FAM110B: variants seen among roughly 807,000 people sequenced by gnomAD.
FAM110B encodes family with sequence similarity 110 member B, also known as protein FAM110B.
Under a neutral mutation model 20.4 loss-of-function variants are expected in FAM110B, and 6 were observed. That is an observed-to-expected ratio of 0.29 (90% CI 0.16 to 0.58). The LOEUF (loss-of-function observed/expected upper bound fraction) is 0.58, where lower values mean the gene tolerates loss of function less well. Ranked by LOEUF, FAM110B falls within the 20% of genes least tolerant of loss-of-function variation. The probability of loss-of-function intolerance (pLI) is 0.90; values close to 1 mark genes in which losing one functional copy is unlikely to be tolerated. For missense variants in FAM110B, 434 were observed against 498.2 expected (o/e 0.87, Z 1.23); for synonymous variants, 226 against 214.1 (o/e 1.06, Z -0.49).
At chr8:58,126,155 G>A (rs1338133590) in intron 3 of FAM110B, among the ~76,000 whole-genome samples, 1 of 152,166 alleles carries the variant, frequency 6.6e-6, no homozygotes, top group African/African-American at 2.4e-5. Context: ...CATACAGTAT[G>A]TGACTGTGTG....
intron 2 of FAM110B, among the ~76,000 whole-genome samples, chr8:58,066,919 C>T (rs368625346): frequency 1.8e-3 from 271 of 152,314 alleles, no homozygotes; most frequent in South Asian, 0.016. Flanking sequence ...AATAGCCCTA[C>T]GTGCAGCCAA....
intron 2 of FAM110B, among the ~76,000 whole-genome samples, chr8:58,069,940 A>C (rs1805852383): frequency 6.6e-6 from 1 of 152,266 alleles, no homozygotes; most frequent in Non-Finnish European, 1.5e-5. Context: ...TATAGTTTAT[A>C]AGGTGACACA....
chr8:57,999,665 A>G (rs1488880155), intron 1 of FAM110B, among the ~76,000 whole-genome samples: 1 of 152,214 alleles, frequency 6.6e-6, no homozygotes, highest in African/African-American at 2.4e-5. Context: ...GGTACTTTGA[A>G]TAAACATCAG....
At chr8:58,044,451 G>T (rs1473127698) in intron 2 of FAM110B, among the ~76,000 whole-genome samples, 3 of 152,054 alleles carry the variant, frequency 2.0e-5, no homozygotes, top group Non-Finnish European at 4.4e-5. Context: ...ATGTATGAAT[G>T]AAAAAATAAA....
At chr8:58,144,452 A>G (rs749216722) in intron 3 of FAM110B, among the ~76,000 whole-genome samples, 1 of 152,212 alleles carries the variant, frequency 6.6e-6, no homozygotes, top group African/African-American at 2.4e-5. Context: ...CGCACAATTA[A>G]AGGAAATTGT....
At chr8:58,047,290 C>A (rs1805339231) in intron 2 of FAM110B, among the ~76,000 whole-genome samples, 1 of 152,192 alleles carries the variant, frequency 6.6e-6, no homozygotes, top group South Asian at 2.1e-4. Flanking sequence ...GGAGTCTCAG[C>A]CTATCTGCAG....
chr8:58,048,758 C>G (rs143687594), intron 2 of FAM110B, among the ~76,000 whole-genome samples: 197 of 152,320 alleles, frequency 1.3e-3, no homozygotes, highest in African/African-American at 4.1e-3. Context: ...TTTCCAAGCA[C>G]TCTGTTTTGC....
At chr8:58,008,189 G>A (rs148423391) in intron 1 of FAM110B, among the ~76,000 whole-genome samples, 2,834 of 146,686 alleles carry the variant, frequency 0.019, 82 homozygotes, top group African/African-American at 0.064. Context: ...TTGCAATGGC[G>A]TGATCTCAGC....
At chr8:58,014,170 T>A (rs1339254871) in intron 1 of FAM110B, among the ~76,000 whole-genome samples, 2 of 152,142 alleles carry the variant, frequency 1.3e-5, no homozygotes, top group Non-Finnish European at 2.9e-5. Flanking sequence ...ATCCAGACTG[T>A]CTAGTAAGAA....
intron 2 of FAM110B, among the ~76,000 whole-genome samples, chr8:58,042,000 T>C (rs1805229425): frequency 6.6e-6 from 1 of 152,372 alleles, no homozygotes; most frequent in South Asian, 2.1e-4. Context: ...TGGTACAGTG[T>C]GTAAACTCTC....
Position 58,146,840 on chromosome 8 carries a change from C to G in FAM110B, c.610C>G (p.Arg204Gly), listed in dbSNP as rs1338161538. 1.9e-6 allele frequency: 3 copies of G among 1,612,946 alleles called. No homozygotes were observed. Among genetic ancestry groups the G allele is most frequent in the South Asian group, 2.2e-5 (2 of 90,872 alleles). Residue 204 changes from arginine (R) to glycine (G), a missense_variant, in exon 4 of 4, where the codon CGC becomes GGC. Arg to Gly is a moderately radical substitution (Grantham distance 125). Coordinates refer to ENST00000519262, the MANE Select transcript of FAM110B (RefSeq NM_001377989.1). ...CGTGTCCCACAGCTCTTCGGACATC[C>G]GCAAGGTGACCAGCGTGAAGCCCCT... ...LHVSHSSSDI[R>G]KVTSVKPLKA...
chr8:58,144,237 T>A (rs1350489589), intron 3 of FAM110B, among the ~76,000 whole-genome samples: 4 of 152,178 alleles, frequency 2.6e-5, no homozygotes, highest in Admixed American at 6.5e-5. Flanking sequence ...TATGATGACC[T>A]CGGAGTTGCA....
At chr8:58,000,489 C>A (rs925919806) in intron 1 of FAM110B, among the ~76,000 whole-genome samples, 1 of 152,102 alleles carries the variant, frequency 6.6e-6, no homozygotes, top group African/African-American at 2.4e-5. Context: ...TTTAATCTTG[C>A]ACAGTTTTTG....
At chr8:58,000,352 A>G (rs1804268413) in intron 1 of FAM110B, among the ~76,000 whole-genome samples, 1 of 152,150 alleles carries the variant, frequency 6.6e-6, no homozygotes, top group Non-Finnish European at 1.5e-5. Flanking sequence ...CTTTTATGTT[A>G]CTTATGATAT....
chr8:58,039,546 C>T (rs1015542247), intron 2 of FAM110B, among the ~76,000 whole-genome samples: 3 of 152,172 alleles, frequency 2.0e-5, no homozygotes, highest in African/African-American at 7.2e-5. Context: ...GTACTCTTCT[C>T]ACAATTTTAA....
chr8:58,071,337 G>A (rs1805892557), intron 2 of FAM110B, among the ~76,000 whole-genome samples: 1 of 152,060 alleles, frequency 6.6e-6, no homozygotes, highest in Non-Finnish European at 1.5e-5. Flanking sequence ...AAAAATTGAT[G>A]TCCTTCCCAT....
At chr8:58,058,160 T>C (rs915565568) in intron 2 of FAM110B, among the ~76,000 whole-genome samples, 7 of 152,262 alleles carry the variant, frequency 4.6e-5, no homozygotes, top group African/African-American at 1.7e-4. Flanking sequence ...GAAATTGCTA[T>C]AGTGACAGCT....
At chr8:58,038,207 G>C (rs1805128211) in intron 2 of FAM110B, among the ~76,000 whole-genome samples, 1 of 152,110 alleles carries the variant, frequency 6.6e-6, no homozygotes, top group Admixed American at 6.5e-5. Flanking sequence ...TTAAGTATCA[G>C]GTACTGCTTA....
intron 2 of FAM110B, among the ~76,000 whole-genome samples, chr8:58,045,596 T>C (rs1805304682): frequency 6.6e-6 from 1 of 152,190 alleles, no homozygotes; most frequent in Non-Finnish European, 1.5e-5. Flanking sequence ...GCCACCCAGG[T>C]TTCATCTGAC....
Sources: gnomAD v4.1 joint callset for allele counts (sites outside exome capture counted in the v4.1 genomes callset) on GRCh38, gnomAD v4.1.1 for gene constraint, MANE v1.5 for transcripts, NCBI Gene and HGNC (gene_info 2026-07-23, HGNC 2026-07-21) for gene names.